The following BCL2L14 variants were observed in gnomAD, a reference collection of about 807,000 sequenced individuals.
BCL2L14 encodes BCL2 like 14.
In BCL2L14, 27 loss-of-function variants were observed where a neutral mutation model predicts 35.3. The observed-to-expected ratio is 0.76, with a 90% CI of 0.56 to 1.05. The LOEUF is 1.05. Among genes scored for constraint, BCL2L14 ranks in the 50% least tolerant of loss-of-function variants. The pLI is 0.00. For synonymous variants in BCL2L14, 139 were observed against 145.9 expected (o/e 0.95, Z 0.34); for missense variants, 377 against 382.6 (o/e 0.99, Z 0.12).
upstream of BCL2L14, among the ~76,000 whole-genome samples, chr12:12,068,505 C>T (rs1948619894): frequency 6.6e-6 from 1 of 152,100 alleles, no homozygotes; most frequent in Non-Finnish European, 1.5e-5. Flanking sequence ...TAGGCTCAAG[C>T]AATCTTTCTG....
chr12:12,097,105 A>C (rs1949330743), intron 5 of BCL2L14, among the ~76,000 whole-genome samples: 1 of 152,224 alleles, frequency 6.6e-6, no homozygotes, highest in African/African-American at 2.4e-5. Flanking sequence ...AGATCGCGCC[A>C]CTGCACTCCA....
chr12:12,087,602 CTAAG>C (rs1425138626), intron 3 of BCL2L14, among the ~76,000 whole-genome samples: 2 of 152,170 alleles, frequency 1.3e-5, no homozygotes, highest in African/African-American at 4.8e-5. Context: ...CAGCTCTCTG[CTAAG>C]TAAGAAAGGA....
At chr12:12,072,848 A>C (rs944090750) in intron 1 of BCL2L14, among the ~76,000 whole-genome samples, 1 of 151,494 alleles carries the variant, frequency 6.6e-6, no homozygotes, top group African/African-American at 2.4e-5. Context: ...GATTAGAGGA[A>C]ACAAAAACTC....
At chr12:12,052,384 A>AC (rs1948370624) in intron 2 of BCL2L14, among the ~76,000 whole-genome samples, 1 of 141,414 alleles carries the variant, frequency 7.1e-6, no homozygotes, top group East Asian at 1.9e-4. Context: ...CCACCGCTCC[A>AC]CCCCCAGTCC....
At chr12:12,067,437 A>T (rs1948607258), upstream of BCL2L14, among the ~76,000 whole-genome samples, 1 of 151,950 alleles carries the variant, frequency 6.6e-6, no homozygotes, top group South Asian at 2.1e-4. Context: ...TGTAATTGCA[A>T]CTACTCTGGA....
At chr12:12,086,139 C>T (rs1296428928) in intron 2 of BCL2L14, among the ~76,000 whole-genome samples, 2 of 152,014 alleles carry the variant, frequency 1.3e-5, no homozygotes, top group Admixed American at 1.3e-4. Flanking sequence ...CATAGGGAGA[C>T]CTTATCTCTA....
intron 3 of BCL2L14, among the ~76,000 whole-genome samples, chr12:12,088,566 A>G (rs1277222127): frequency 6.6e-6 from 1 of 152,162 alleles, no homozygotes; most frequent in Non-Finnish European, 1.5e-5. Flanking sequence ...TCTGCAGCTC[A>G]ATTTTACAGG....
At chr12:12,078,458 G>A (rs1417143547) in intron 1 of BCL2L14, among the ~76,000 whole-genome samples, 1 of 152,136 alleles carries the variant, frequency 6.6e-6, no homozygotes, top group Non-Finnish European at 1.5e-5. Context: ...GAGAAAATGC[G>A]AAGCTTCAGC....
chr12:12,082,211 T>C (rs1301436488), intron 2 of BCL2L14, among the ~76,000 whole-genome samples: 1 of 152,216 alleles, frequency 6.6e-6, no homozygotes, highest in Non-Finnish European at 1.5e-5. Flanking sequence ...AGTCCAGGCC[T>C]CTCCCTAGAC....
upstream of BCL2L14, among the ~76,000 whole-genome samples, chr12:12,069,072 G>C (rs1948626302): frequency 6.6e-6 from 1 of 152,188 alleles, no homozygotes; most frequent in Non-Finnish European, 1.5e-5. Flanking sequence ...GCACAACAGT[G>C]CATTATCATT....
chr12:12,068,884 CG>C (rs1356199476), upstream of BCL2L14, among the ~76,000 whole-genome samples: 12 of 152,238 alleles, frequency 7.9e-5, no homozygotes, highest in South Asian at 2.3e-3. Context: ...ATTGAGTATA[CG>C]GGTATTCCTT....
chr12:12,088,137 A>C (rs575910837), intron 3 of BCL2L14, among the ~76,000 whole-genome samples: 2 of 152,198 alleles, frequency 1.3e-5, no homozygotes, highest in African/African-American at 4.8e-5. Flanking sequence ...GACACACACA[A>C]GAAGTGAGTT....
At chr12:12,053,177 G>A (rs1045026325) in intron 2 of BCL2L14, among the ~76,000 whole-genome samples, 3 of 152,178 alleles carry the variant, frequency 2.0e-5, no homozygotes, top group Non-Finnish European at 4.4e-5. Flanking sequence ...CCTCATAACA[G>A]CCCTGTGAGA....
chr12:12,060,128 T>A lies in BCL2L14; in HGVS notation c.-272+8281T>A, dbSNP rs188704486. 5.7e-3 allele frequency among the ~76,000 whole-genome samples: 858 copies of A among 151,472 alleles called. 8 individuals are homozygous for A. Among genetic ancestry groups the A allele is most frequent in the African/African-American group, 0.017 (714 of 41,194 alleles). On this transcript the variant is annotated intron_variant, in intron 2 of 3. Coordinates refer to the BCL2L14 transcript ENST00000461264. ...GCAATTCTTCCTCAGCCTCTGCTCC[T>A]CCACCCTATAATCCTTTTATCACCT...
intron 2 of BCL2L14, among the ~76,000 whole-genome samples, chr12:12,057,754 T>C (rs2136710184): frequency 2.2e-5 from 2 of 90,258 alleles, no homozygotes; most frequent in Middle Eastern, 5.3e-3. Flanking sequence ...CAAAACTCCA[T>C]TAAAAAAAAA....
chr12:12,080,619 CAAAAA>C (rs36081910), intron 2 of BCL2L14, among the ~76,000 whole-genome samples: 2 of 95,398 alleles, frequency 2.1e-5, no homozygotes, highest in African/African-American at 3.6e-5. Context: ...GACTTTGTCT[CAAAAA>C]AAAAAAAAAA....
At chr12:12,065,019 G>A (rs1392685725) in intron 2 of BCL2L14, among the ~76,000 whole-genome samples, 1 of 152,166 alleles carries the variant, frequency 6.6e-6, no homozygotes, top group African/African-American at 2.4e-5. Context: ...TACAGGTATA[G>A]GGGAGAAGAA....
intron 1 of BCL2L14, among the ~76,000 whole-genome samples, chr12:12,075,186 G>A (rs976360509): frequency 5.3e-5 from 8 of 151,528 alleles, no homozygotes; most frequent in Non-Finnish European, 1.2e-4. Context: ...GCAATGGCGC[G>A]ATCCCCGCTC....
intron 1 of BCL2L14, among the ~76,000 whole-genome samples, chr12:12,050,952 T>C (rs1196391213): frequency 6.6e-6 from 1 of 151,948 alleles, no homozygotes; most frequent in East Asian, 1.9e-4. Flanking sequence ...AAGAGAGAGA[T>C]TTAGGACCTT....
Sources: allele counts gnomAD v4.1 joint callset (sites outside exome capture counted in the v4.1 genomes callset), GRCh38; gene constraint gnomAD v4.1.1; transcripts MANE v1.5; gene names NCBI Gene and HGNC (gene_info 2026-07-23, HGNC 2026-07-21).